Variants in THADA observed in about 807,000 individuals in gnomAD.
The protein encoded by THADA is THADA armadillo repeat containing.
THADA carries 213 observed loss-of-function variants against 219.8 expected under a neutral mutation model. The observed-to-expected ratio is 0.97, with a 90% confidence interval of 0.87 to 1.09. The LOEUF (loss-of-function observed/expected upper bound fraction) is 1.09. THADA is among the 50% of genes least tolerant of loss of function. The probability of loss-of-function intolerance (pLI) is 0.00; values close to 1 mark genes in which losing one functional copy is unlikely to be tolerated. For missense variants in THADA, 2,956 were observed against 2,311.3 expected (o/e 1.28, Z -5.72); for synonymous variants, 1,018 against 828.9 (o/e 1.23, Z -3.92).
chr2:43,459,266 T>C (rs1335512021), intron 26 of THADA, among the ~76,000 whole-genome samples: 2 of 152,176 alleles, frequency 1.3e-5, no homozygotes, highest in African/African-American at 4.8e-5. Flanking sequence ...CACTCCTCTT[T>C]CCCAAATAAA....
chr2:43,577,033 G>A lies in THADA; in HGVS notation c.1026C>T (p.Thr342=), dbSNP rs976392514. ...GCATCAAAACTCACTGTGAACTCAA[G>A]GTGAACAAAACATGTGCAGTATCCA... is the stretch of plus-strand genomic sequence containing the variant. ...LLLDTAHVLF[T]LSSQIKEPTL... The change falls in exon 10 of 38, where the codon ACC becomes ACT. Residue 342 remains threonine (T), a synonymous_variant. Coordinates refer to ENST00000405975, the MANE Select transcript of THADA (RefSeq NM_022065.5). 12 of 1,612,410 alleles carry A rather than the reference G, an allele frequency of 7.4e-6. No homozygotes were observed. In the African/African-American group the frequency reaches 1.6e-4, roughly 22 times the overall value.
At chr2:43,391,194 GA>G (rs1274045711) in intron 29 of THADA, among the ~76,000 whole-genome samples, 1 of 151,800 alleles carries the variant, frequency 6.6e-6, no homozygotes. Context: ...ATCTCTCACT[GA>G]AAAAAATATA....
At chr2:43,240,815 G>A (rs1668541348) in intron 36 of THADA, among the ~76,000 whole-genome samples, 2 of 152,204 alleles carry the variant, frequency 1.3e-5, no homozygotes, top group African/African-American at 4.8e-5. Context: ...GTGGTTAACA[G>A]TCTCTGTCCT....
At chr2:43,427,358 TG>T (rs1678586964) in intron 28 of THADA, among the ~76,000 whole-genome samples, 1 of 152,124 alleles carries the variant, frequency 6.6e-6, no homozygotes, top group South Asian at 2.1e-4. Context: ...CCACCTGCCT[TG>T]GAGCAGACAG....
intron 24 of THADA, among the ~76,000 whole-genome samples, chr2:43,503,501 G>A (rs1213796179): frequency 1.3e-5 from 2 of 152,128 alleles, no homozygotes; most frequent in East Asian, 3.8e-4. Flanking sequence ...GGGAATGATA[G>A]TCACTAATTT....
At chr2:43,448,604 C>G (rs1235710550) in intron 26 of THADA, among the ~76,000 whole-genome samples, 3 of 29,820 alleles carry the variant, frequency 1.0e-4, no homozygotes, top group African/African-American at 3.6e-4. Context: ...CTTCATTTTT[C>G]TCTTTTCCCA....
intron 14 of THADA, among the ~76,000 whole-genome samples, chr2:43,569,034 C>T (rs1171370641): frequency 6.6e-6 from 1 of 152,214 alleles, no homozygotes; most frequent in South Asian, 2.1e-4. Flanking sequence ...TGCAGTGCTA[C>T]AATTAAGGCT....
chr2:43,568,735 T>C (rs887765998), intron 14 of THADA, among the ~76,000 whole-genome samples: 1 of 152,072 alleles, frequency 6.6e-6, no homozygotes, highest in African/African-American at 2.4e-5. Context: ...CTGGGCATAA[T>C]ATCCACAATG....
intron 30 of THADA, among the ~76,000 whole-genome samples, chr2:43,335,764 G>C (rs899013853): frequency 1.0e-4 from 15 of 144,248 alleles, no homozygotes; most frequent in Non-Finnish European, 1.6e-4. Flanking sequence ...TACTAAACCA[G>C]CCTGGGAACA....
intron 28 of THADA, among the ~76,000 whole-genome samples, chr2:43,421,331 G>T (rs1677694049): frequency 6.6e-6 from 1 of 152,140 alleles, no homozygotes. Flanking sequence ...CTGGGCAGCG[G>T]GGGAAGGGTG....
At chr2:43,407,169 C>T (rs1402570315) in intron 28 of THADA, among the ~76,000 whole-genome samples, 4 of 152,158 alleles carry the variant, frequency 2.6e-5, no homozygotes. Context: ...TTGAAACTCA[C>T]ACCATTATCC....
rs1452903247 is a variant in THADA at position 43,485,831 on chromosome 2, ACCAG to A, written c.3745-510_3745-507del. ...GACTGCTTGAGGCCAGGAGTTTGAGACCAGCCTGGGCAATACAGTAAGACCCCCA... is the reference window on the plus strand; with the variant it reads ...GACTGCTTGAGGCCAGGAGTTTGAGACCTGGGCAATACAGTAAGACCCCCA... On this transcript the variant is annotated intron_variant, in intron 25 of 37. Transcript: ENST00000405975. 2.6e-5 allele frequency among the ~76,000 whole-genome samples: 4 copies of A among 151,848 alleles called. No homozygotes were observed. The East Asian group carries it at 7.8e-4, about 29-fold the overall frequency.
Position 43,556,419 on chromosome 2 carries a change from G to A in THADA, c.2600C>T (p.Ala867Val), listed in dbSNP as rs775083977. 6.2e-7 allele frequency: 1 copy of A among 1,613,800 alleles called. No homozygotes were observed. Among genetic ancestry groups the A allele is most frequent in the Non-Finnish European group, 8.5e-7 (1 of 1,179,826 alleles). ...WQDALPSSLS[A>V]YLTQQVACDN... is the part of the protein sequence containing the mutation. The stretch of plus-strand genomic sequence containing the variant: ...ACATGCAACTTGCTGAGTTAAGTAG[G>A]CAGACAAGGATGACGGTAGAGCATC... The change falls in exon 17 of 38, where the codon GCC (alanine) becomes GTC (valine). Residue 867 changes from alanine (A) to valine (V), a missense_variant. Coordinates refer to ENST00000405975, the MANE Select transcript of THADA (RefSeq NM_022065.5).
At position 43,350,600 on chromosome 2, in the gene THADA, G is replaced by A. The variant is rs563297919; in HGVS notation, c.4228-6363C>T. On this transcript the variant is annotated intron_variant, in intron 29 of 37. Coordinates refer to ENST00000405975, the MANE Select transcript of THADA (RefSeq NM_022065.5). ...GTATAAGTACCTACTTATATCATCT[G>A]TTCAGAGCTCAACATGTTGTTTTTT... 7.2e-5 allele frequency among the ~76,000 whole-genome samples: 11 copies of A among 152,336 alleles called. No homozygotes were observed. The South Asian group carries it at 2.1e-3, about 29-fold the overall frequency.
At chr2:43,422,880 T>A (rs1243057321) in intron 28 of THADA, among the ~76,000 whole-genome samples, 1 of 152,084 alleles carries the variant, frequency 6.6e-6, no homozygotes, top group Non-Finnish European at 1.5e-5. Flanking sequence ...TCACCAAGTC[T>A]GGCTAATTTT....
chr2:43,510,797 C>T (rs1690315247), intron 22 of THADA, among the ~76,000 whole-genome samples: 2 of 151,472 alleles, frequency 1.3e-5, no homozygotes, highest in African/African-American at 4.9e-5. Context: ...ATGATGAAAC[C>T]CTATCTCTAC....
chr2:43,590,820 T>C lies in THADA; in HGVS notation c.302+4A>G, dbSNP rs1701480685. On this transcript the variant is annotated splice_donor_region_variant and intron_variant, in intron 4 of 37. Coordinates refer to ENST00000405975, the MANE Select transcript of THADA (RefSeq NM_022065.5). Reference sequence around the variant, plus strand: ...CACCCAACTTCCCTTCCTTTTTTTCTTACCTTGCCAATACTTTCTTCAAGG... The same window carrying C: ...CACCCAACTTCCCTTCCTTTTTTTCCTACCTTGCCAATACTTTCTTCAAGG... The C allele has an allele frequency of 6.2e-7, 1 of 1,610,582 alleles. No individual in the cohort carries two copies. Among genetic ancestry groups the C allele is most frequent in the Non-Finnish European group, 8.5e-7 (1 of 1,178,936 alleles).
chr2:43,294,021 T>C (rs1332357184), intron 31 of THADA, among the ~76,000 whole-genome samples: 1 of 152,216 alleles, frequency 6.6e-6, no homozygotes, highest in Non-Finnish European at 1.5e-5. Context: ...AGCCCTTCTT[T>C]TTTGACGTGG....
intron 23 of THADA, 47 bp downstream of exon 23, chr2:43,508,601 T>A: frequency 6.3e-7 from 1 of 1,591,630 alleles, no homozygotes; most frequent in Non-Finnish European, 8.6e-7. Flanking sequence ...TACACTATCA[T>A]CAAAAGACAA....
Sources: allele counts gnomAD v4.1 joint callset (sites outside exome capture counted in the v4.1 genomes callset), GRCh38; gene constraint gnomAD v4.1.1; transcripts MANE v1.5; gene names NCBI Gene and HGNC (gene_info 2026-07-23, HGNC 2026-07-21).